Variants in DMTN observed in about 807,000 individuals in gnomAD.
DMTN encodes dematin.
A neutral mutation model predicts 59.4 loss-of-function variants in DMTN; 27 were observed. The ratio of observed to expected loss-of-function variants is 0.45; its 90% CI spans 0.33 to 0.63. DMTN has a LOEUF of 0.63. DMTN is among the 20% of genes least tolerant of loss of function. The pLI, the probability that DMTN is intolerant of heterozygous loss-of-function variation, is 0.02. For missense variants in DMTN, 451 were observed against 528.9 expected (o/e 0.85, Z 1.45); for synonymous variants, 221 against 203.7 (o/e 1.08, Z -0.72).
rs1273003478 is a variant in DMTN at position 22,080,853 on chromosome 8, T to G, written c.1006T>G (p.Cys336Gly). 6.3e-7 allele frequency: 1 copy of G among 1,584,306 alleles called. No individual in the cohort carries two copies. The highest frequency in any genetic ancestry group is 8.6e-7 in the Non-Finnish European group (1 of 1,162,572). ...GATGGACCGGGGGAACTCCCTGCCC[T>G]GTGTGCTGGAGCAGAAGGTGAGGGG... ...GRMDRGNSLP[C>G]VLEQKIYPYE... is the part of the protein sequence containing the mutation. The change falls in exon 14 of 16, where the codon TGT becomes GGT. Residue 336 changes from cysteine (C) to glycine (G), a missense_variant. Physicochemically the swap from Cys to Gly is radical, Grantham distance 159 (BLOSUM62 -3). Coordinates refer to ENST00000358242, the MANE Select transcript of DMTN (RefSeq NM_001387751.1).
rs887464869 is a variant in DMTN at position 22,057,012 on chromosome 8, G to T, written c.-296G>T. The stretch of plus-strand genomic sequence containing the variant: ...GTTATTTGTGCTCCGGGGAAGCGCC[G>T]CGGGGTTCCTGGAAGAGACACCTAT... On this transcript the variant is annotated 5_prime_UTR_variant, in exon 1 of 16. Transcript: ENST00000358242. 3 of 147,020 alleles carry T rather than the reference G, an allele frequency of 2.0e-5. No individual in the cohort carries two copies. The highest frequency in any genetic ancestry group is 7.1e-5 in the Admixed American group (1 of 13,988). The allele number at this position is 147,020 out of a possible 1,614,324, so 9.1% of individuals were successfully genotyped here.
rs146626785 is a variant in DMTN, at chr8:22,081,121, C to G, written c.1032C>G (p.Pro344=). 3.3e-4 allele frequency: 489 copies of G among 1,466,302 alleles called. 3 individuals are homozygous for G. Among genetic ancestry groups the G allele is most frequent in the Middle Eastern group, 2.4e-3 (13 of 5,482 alleles). 90.8% of individuals were successfully genotyped at this position (1,466,302 alleles called of 1,614,324 possible). The change falls in exon 15 of 16, where the codon CCC becomes CCG. Residue 344 remains proline, a synonymous_variant. Transcript: ENST00000358242. ...CCTCCCCCCACCCCCAGATCTATCCCTATGAAATGCTAGTGGTGACCAACA... is the reference window on the plus strand; with the variant it reads ...CCTCCCCCCACCCCCAGATCTATCCGTATGAAATGCTAGTGGTGACCAACA... ...LPCVLEQKIY[P]YEMLVVTNKG...
At position 22,081,472 on chromosome 8, in the gene DMTN, A is replaced by C. The variant is rs4872271; in HGVS notation, c.*9A>C. 6 of 1,612,564 alleles carry C rather than the reference A, an allele frequency of 3.7e-6. No homozygotes were observed. Among genetic ancestry groups the C allele is most frequent in the Non-Finnish European group, 4.2e-6 (5 of 1,178,810 alleles). The stretch of plus-strand genomic sequence containing the variant: ...AGGCCTCTCTCTTCTGATGGCCCCC[A>C]CCTGCTCCGGGACGGCCCCCTTACC... On this transcript the variant is annotated 3_prime_UTR_variant, in exon 16 of 16. Coordinates refer to ENST00000358242, the MANE Select transcript of DMTN (RefSeq NM_001387751.1).
At chr8:22,073,445 G>A (rs145562193) in intron 9 of DMTN, among the ~76,000 whole-genome samples, 15 of 151,730 alleles carry the variant, frequency 9.9e-5, no homozygotes, top group Non-Finnish European at 2.2e-4. Flanking sequence ...AGGCAACATG[G>A]TGAAACCCCA....
At chr8:22,050,492 C>T (rs573554924), upstream of DMTN, among the ~76,000 whole-genome samples, 2 of 152,250 alleles carry the variant, frequency 1.3e-5, no homozygotes, top group African/African-American at 4.8e-5. Context: ...GGCCCTTTGT[C>T]TTGCCTCCGC....
At chr8:22,074,956 A>C (rs1818543200) in intron 10 of DMTN, among the ~76,000 whole-genome samples, 1 of 152,078 alleles carries the variant, frequency 6.6e-6, no homozygotes. Flanking sequence ...TGGGAGGCCG[A>C]GGCGGGCGGA....
intron 10 of DMTN, among the ~76,000 whole-genome samples, chr8:22,075,618 A>G (rs1265967432): frequency 1.4e-5 from 2 of 145,414 alleles, no homozygotes; most frequent in Non-Finnish European, 3.0e-5. Context: ...TCCCAGGTTC[A>G]AGCAATTCTC....
chr8:22,056,420 A>ATGAATAGGGTAGGAGGTGCAGGTGCC (rs1802597049), upstream of DMTN, among the ~76,000 whole-genome samples: 2 of 152,152 alleles, frequency 1.3e-5, no homozygotes, highest in South Asian at 4.1e-4. Flanking sequence ...TGGGGTGGTC[A>ATGAATAGGGTAGGAGGTGCAGGTGCC]TGAATAGGGT....
At chr8:22,069,577 A>G in intron 6 of DMTN, 59 bp downstream of exon 6, 3 of 1,408,884 alleles carry the variant, frequency 2.1e-6, no homozygotes, top group Non-Finnish European at 2.9e-6. Context: ...AGGAACCCCA[A>G]TCCCCTTACG....
chr8:22,077,937 T>A (rs1415015198), intron 10 of DMTN, among the ~76,000 whole-genome samples: 1 of 152,188 alleles, frequency 6.6e-6, no homozygotes. Context: ...TACTTATTAT[T>A]CTAAGAGTGA....
upstream of DMTN, among the ~76,000 whole-genome samples, chr8:22,049,591 C>G (rs1801133609): frequency 6.7e-6 from 1 of 149,428 alleles, no homozygotes. Context: ...CGCCACCCCA[C>G]CAGGTCAGCT....
In DMTN at chr8:22,069,485, C is replaced by A; in HGVS notation, c.361C>A (p.Pro121Thr). The A allele has an allele frequency of 1.2e-6, 2 of 1,612,046 alleles. No individual in the cohort carries two copies. Among genetic ancestry groups the A allele is most frequent in the South Asian group, 1.1e-5 (1 of 90,930 alleles). ...CTCGGCCCCCAGAACCACTGGAACC[C>A]CCCGGACCAGCCTGCCCCATTTCCA... The part of the protein sequence containing the change: ...QASAPRTTGT[P>T]RTSLPHFHHP... The change falls in exon 6 of 16, where the codon CCC becomes ACC. Residue 121 changes from proline (P) to threonine (T), a missense_variant. Coordinates refer to ENST00000358242, the MANE Select transcript of DMTN (RefSeq NM_001387751.1).
Position 22,082,030 on chromosome 8 carries a change from T to C in DMTN, c.*567T>C. 2.2e-6 allele frequency: 1 copy of C among 456,912 alleles called. No homozygotes were observed. Among genetic ancestry groups the C allele is most frequent in the Non-Finnish European group, 4.4e-6 (1 of 226,986 alleles). The allele number at this position is 456,912 out of a possible 1,614,324, so 28.3% of individuals were successfully genotyped here. A position where few individuals can be genotyped will look rare whatever the true frequency, so the allele number is the denominator to read the frequency against. ...TGACCTCCGCTCGCAAACCCCGAGCTTCCAAGCCTTTTGCTCCAGCCCTGC... is the reference window on the plus strand; with the variant it reads ...TGACCTCCGCTCGCAAACCCCGAGCCTCCAAGCCTTTTGCTCCAGCCCTGC... On this transcript the variant is annotated 3_prime_UTR_variant, in exon 16 of 16. Transcript: ENST00000358242.
chr8:22,049,979 C>T (rs919234731), upstream of DMTN, among the ~76,000 whole-genome samples: 2 of 152,178 alleles, frequency 1.3e-5, no homozygotes, highest in Non-Finnish European at 2.9e-5. Context: ...CTGACACCCC[C>T]ACCACGGGGC....
intron 14 of DMTN, 92 bp downstream of exon 14, chr8:22,080,962 T>TGAAGATGGGAGGGATGGCAGG (rs1823880951): frequency 2.0e-6 from 3 of 1,498,458 alleles, no homozygotes; most frequent in African/African-American, 1.4e-5. Flanking sequence ...TTCCTGGTGT[T>TGAAGATGGGAGGGATGGCAGG]GAAGATGGGA....
At chr8:22,067,243 C>A in intron 3 of DMTN, 84 bp downstream of exon 3, 1 of 1,444,052 alleles carries the variant, frequency 6.9e-7, no homozygotes, top group Non-Finnish European at 9.5e-7. Flanking sequence ...TGCCTTCCCG[C>A]AGAGCCTCCC....
At chr8:22,069,599 ACT>A (rs1352541818) in intron 6 of DMTN, 81 bp downstream of exon 6, 1 of 1,234,488 alleles carries the variant, frequency 8.1e-7, no homozygotes. Flanking sequence ...TCAGTCCCCC[ACT>A]CTCTGGGGTA....
At chr8:22,059,375 G>A (rs955193906) in intron 1 of DMTN, 13 of 152,174 alleles carry the variant, frequency 8.5e-5, no homozygotes, top group African/African-American at 2.7e-4. Flanking sequence ...TGCACCAGCC[G>A]GCCTCCAGCC....
At chr8:22,056,447 T>G (rs1280029508), upstream of DMTN, among the ~76,000 whole-genome samples, 1 of 152,144 alleles carries the variant, frequency 6.6e-6, no homozygotes, top group South Asian at 2.1e-4. Flanking sequence ...TGCAGGTGCC[T>G]GGAGAAAGCA....
Sources: allele counts gnomAD v4.1 joint callset (sites outside exome capture counted in the v4.1 genomes callset), GRCh38; gene constraint gnomAD v4.1.1; transcripts MANE v1.5; gene names NCBI Gene and HGNC (gene_info 2026-07-23, HGNC 2026-07-21).